The following MYT1L variants were observed in gnomAD, a reference collection of about 807,000 sequenced individuals.
MYT1L encodes the protein myelin transcription factor 1 like.
Under a neutral mutation model 126.7 loss-of-function variants are expected in MYT1L, and 12 were observed. The observed-to-expected ratio is 0.09, with a 90% CI of 0.06 to 0.15. The LOEUF (loss-of-function observed/expected upper bound fraction) is 0.15, where lower values mean the gene tolerates loss of function less well. Among genes scored for constraint, MYT1L ranks in the 10% least tolerant of loss-of-function variants. MYT1L has a pLI of 1.00. For synonymous variants in MYT1L, 541 were observed against 604.2 expected, an observed-to-expected ratio of 0.90 and a Z score of 1.53; for missense variants, 979 against 1,585.2, an observed-to-expected ratio of 0.62 and a Z score of 6.49.
At chr2:1,947,744 T>C (rs973045908) in intron 8 of MYT1L, among the ~76,000 whole-genome samples, 1 of 152,176 alleles carries the variant, frequency 6.6e-6, no homozygotes, top group South Asian at 2.1e-4. Flanking sequence ...AAAAAATAGT[T>C]GATCAAGATA....
intron 14 of MYT1L, among the ~76,000 whole-genome samples, chr2:1,893,750 G>C (rs12476079): frequency 0.057 from 8,679 of 152,266 alleles, 359 homozygotes; most frequent in East Asian, 0.16. Context: ...TTCTCACATT[G>C]CTGATACGGT....
At chr2:2,293,443 G>T (rs1573256031) in intron 1 of MYT1L, among the ~76,000 whole-genome samples, 1 of 152,200 alleles carries the variant, frequency 6.6e-6, no homozygotes, top group South Asian at 2.1e-4. Context: ...AGCGCCCTTG[G>T]TTAGAGGCAG....
At chr2:2,043,360 T>G (rs1202947125) in intron 4 of MYT1L, among the ~76,000 whole-genome samples, 2 of 152,142 alleles carry the variant, frequency 1.3e-5, no homozygotes, top group Non-Finnish European at 2.9e-5. Flanking sequence ...GCCATGAAAT[T>G]TCTTGTTATG....
intron 4 of MYT1L, among the ~76,000 whole-genome samples, chr2:2,028,493 A>G (rs2065876699): frequency 6.6e-6 from 1 of 152,230 alleles, no homozygotes; most frequent in Non-Finnish European, 1.5e-5. Context: ...GGAAAAGAAA[A>G]TGAAGGTTCT....
chr2:2,079,943 CTG>C, intron 3 of MYT1L, among the ~76,000 whole-genome samples: 1 of 152,112 alleles, frequency 6.6e-6, no homozygotes, highest in East Asian at 1.9e-4. Flanking sequence ...CAAACAGTAA[CTG>C]AGAGAGGATG....
chr2:1,830,369 TGC>T (rs2039972502), intron 21 of MYT1L, among the ~76,000 whole-genome samples: 1 of 152,200 alleles, frequency 6.6e-6, no homozygotes, highest in East Asian at 1.9e-4. Flanking sequence ...AAGGTTGGTA[TGC>T]GGAGGTGCTT....
chr2:2,305,694 G>C (rs939865963), intron 1 of MYT1L, among the ~76,000 whole-genome samples: 3 of 152,156 alleles, frequency 2.0e-5, no homozygotes, highest in Non-Finnish European at 4.4e-5. Flanking sequence ...GAGGACTCAA[G>C]AAACTTACTA....
chr2:1,942,532 T>A (rs1006733630), intron 9 of MYT1L, among the ~76,000 whole-genome samples: 1 of 152,232 alleles, frequency 6.6e-6, no homozygotes, highest in Non-Finnish European at 1.5e-5. Context: ...TGCTGGTTGA[T>A]GTACCAGTCA....
intron 2 of MYT1L, among the ~76,000 whole-genome samples, chr2:2,236,242 C>G (rs947994208): frequency 2.0e-4 from 28 of 141,124 alleles, no homozygotes; most frequent in Non-Finnish European, 4.6e-5. Flanking sequence ...CCCAACCCAA[C>G]CCAGTACATC....
At chr2:2,254,131 G>A (rs1055907070) in intron 2 of MYT1L, among the ~76,000 whole-genome samples, 8 of 152,148 alleles carry the variant, frequency 5.3e-5, no homozygotes, top group Middle Eastern at 3.2e-3. Flanking sequence ...ATCCCAAAGA[G>A]TATATGGTAC....
chr2:1,821,990 A>T (rs1302772696), intron 21 of MYT1L, among the ~76,000 whole-genome samples: 1 of 152,070 alleles, frequency 6.6e-6, no homozygotes, highest in Non-Finnish European at 1.5e-5. Flanking sequence ...AGACAATTCA[A>T]CTACTCCTCT....
At chr2:2,162,321 G>C (rs781308426) in intron 3 of MYT1L, among the ~76,000 whole-genome samples, 1 of 151,818 alleles carries the variant, frequency 6.6e-6, no homozygotes, top group East Asian at 1.9e-4. Flanking sequence ...GGTCAGGTGG[G>C]AATGCAGGTG....
Position 2,150,154 on chromosome 2 carries a change from G to A in MYT1L, c.-304+22718C>T, listed in dbSNP as rs552345125. On this transcript the variant is annotated intron_variant, in intron 3 of 24. Coordinates refer to ENST00000647738, the MANE Select transcript of MYT1L (RefSeq NM_001303052.2). ...GCTTTGAATGGAGGGAGAGGAAGCC[G>A]TGGTGCCTGGCACTGATCTGTCTTG... Among the ~76,000 whole-genome samples, 207 of 152,274 alleles carry A rather than the reference G, an allele frequency of 1.4e-3. 1 individual carries two copies. Among genetic ancestry groups the A allele is most frequent in the Middle Eastern group, 3.4e-3 (1 of 294 alleles).
chr2:2,001,268 C>CTCTG (rs1413841445), intron 4 of MYT1L, among the ~76,000 whole-genome samples: 672 of 48,626 alleles, frequency 0.014, 7 homozygotes, highest in African/African-American at 0.05. Context: ...TTTTTTTTAT[C>CTCTG]TCTTTCTTCT....
At chr2:2,039,003 C>A (rs2067212064) in intron 4 of MYT1L, among the ~76,000 whole-genome samples, 1 of 152,194 alleles carries the variant, frequency 6.6e-6, no homozygotes, top group Non-Finnish European at 1.5e-5. Flanking sequence ...ACCACCCTCT[C>A]TGCCGATGAG....
chr2:2,149,830 C>T (rs1427465323), intron 3 of MYT1L, among the ~76,000 whole-genome samples: 1 of 151,842 alleles, frequency 6.6e-6, no homozygotes, highest in African/African-American at 2.4e-5. Context: ...TCAAATTAGG[C>T]TGCCATCCCA....
At chr2:2,002,321 T>A (rs1461175067) in intron 4 of MYT1L, among the ~76,000 whole-genome samples, 1 of 152,214 alleles carries the variant, frequency 6.6e-6, no homozygotes, top group Non-Finnish European at 1.5e-5. Context: ...TCTAGCCCAA[T>A]ACCTCATCAC....
At chr2:2,209,661 A>C (rs901083063) in intron 2 of MYT1L, among the ~76,000 whole-genome samples, 2 of 152,340 alleles carry the variant, frequency 1.3e-5, no homozygotes, top group South Asian at 2.1e-4. Flanking sequence ...ATATGTATGC[A>C]TATGTATGCC....
chr2:2,185,080 C>T (rs1169078040), intron 2 of MYT1L, among the ~76,000 whole-genome samples: 1 of 152,154 alleles, frequency 6.6e-6, no homozygotes, highest in Non-Finnish European at 1.5e-5. Flanking sequence ...TGCCCTCATG[C>T]TGCAAACCTT....
Sources: gnomAD v4.1 joint callset for allele counts (sites outside exome capture counted in the v4.1 genomes callset) on GRCh38, gnomAD v4.1.1 for gene constraint, MANE v1.5 for transcripts, NCBI Gene and HGNC (gene_info 2026-07-23, HGNC 2026-07-21) for gene names.